DPP10: variants seen among roughly 807,000 people sequenced by gnomAD.
DPP10 encodes inactive dipeptidyl peptidase 10.
DPP10 carries 33 observed loss-of-function variants against 120.9 expected under a neutral mutation model. The observed-to-expected ratio is 0.27, with a 90% CI of 0.21 to 0.37. The LOEUF (loss-of-function observed/expected upper bound fraction) is 0.37, where lower values mean the gene tolerates loss of function less well. Among genes scored for constraint, DPP10 ranks in the 10% least tolerant of loss-of-function variants. The pLI, the probability that DPP10 is intolerant of heterozygous loss-of-function variation, is 1.00. For missense variants in DPP10, 816 were observed against 942.8 expected, an observed-to-expected ratio of 0.87 and a Z score of 1.76; for synonymous variants, 337 against 326.1, an observed-to-expected ratio of 1.03 and a Z score of -0.36.
intron 1 of DPP10, among the ~76,000 whole-genome samples, chr2:115,244,239 T>TATATATATAGAGAGAGAG: frequency 1.1e-5 from 1 of 93,476 alleles, no homozygotes; most frequent in African/African-American, 3.8e-5. Flanking sequence ...TATATATATA[T>TATATATATAGAGAGAGAG]AGAGAGAGAG....
intron 1 of DPP10, among the ~76,000 whole-genome samples, chr2:114,691,522 T>C (rs950639749): frequency 6.6e-6 from 1 of 152,090 alleles, no homozygotes; most frequent in African/African-American, 2.4e-5. Context: ...TGGCCTGAAG[T>C]TTTCATTTTT....
intron 1 of DPP10, among the ~76,000 whole-genome samples, chr2:114,825,657 C>T (rs555280506): frequency 1.3e-5 from 2 of 152,074 alleles, no homozygotes; most frequent in Admixed American, 1.3e-4. Flanking sequence ...ATTTTATGTT[C>T]CCCCCCAACT....
chr2:114,853,349 T>G (rs79074283), intron 1 of DPP10, among the ~76,000 whole-genome samples: 4,912 of 152,226 alleles, frequency 0.032, 112 homozygotes, highest in Non-Finnish European at 0.052. Flanking sequence ...GCTCTGAGAC[T>G]TTCACTATGA....
intron 3 of DPP10, among the ~76,000 whole-genome samples, chr2:115,402,854 A>AAAATATATATATATATATATAT (rs1476901026): frequency 1.0e-5 from 1 of 97,668 alleles, no homozygotes; most frequent in African/African-American, 3.9e-5. Context: ...AAAAAAAAAA[A>AAAATATATATATATATATATAT]ATATATATAT....
At chr2:115,279,563 T>G (rs539469419) in intron 1 of DPP10, among the ~76,000 whole-genome samples, 5 of 152,084 alleles carry the variant, frequency 3.3e-5, no homozygotes, top group African/African-American at 1.2e-4. Context: ...TTGCGTTTGA[T>G]AGAATCTTGT....
chr2:115,768,926 G>A (rs1193211592), intron 13 of DPP10, among the ~76,000 whole-genome samples: 1 of 151,566 alleles, frequency 6.6e-6, no homozygotes, highest in Non-Finnish European at 1.5e-5. Flanking sequence ...TAGATTTCAT[G>A]TTGTAAAATA....
intron 1 of DPP10, among the ~76,000 whole-genome samples, chr2:114,959,549 G>A (rs1698459611): frequency 6.6e-6 from 1 of 152,050 alleles, no homozygotes; most frequent in African/African-American, 2.4e-5. Context: ...TGTATAAATT[G>A]TATTTGAACA....
chr2:115,840,659 A>G (rs1479890244), intron 24 of DPP10, 91 bp from the exon 25 acceptor site: 11 of 1,356,202 alleles, frequency 8.1e-6, no homozygotes, highest in South Asian at 1.2e-5. Flanking sequence ...TGTATGTAAA[A>G]TAAAACACTG....
At chr2:114,761,306 G>A (rs1208339307) in intron 1 of DPP10, among the ~76,000 whole-genome samples, 2 of 152,112 alleles carry the variant, frequency 1.3e-5, no homozygotes, top group South Asian at 2.1e-4. Flanking sequence ...TCCCTGTTGG[G>A]AGATAATTCT....
At chr2:114,538,529 T>C (rs1686697172) in intron 1 of DPP10, among the ~76,000 whole-genome samples, 1 of 152,182 alleles carries the variant, frequency 6.6e-6, no homozygotes, top group South Asian at 2.1e-4. Context: ...GAATCTCCTT[T>C]GTGCTTGCTA....
At chr2:114,834,787 G>GTCTACACACCTATGTATATATAAGCCATA (rs1687537492) in intron 1 of DPP10, among the ~76,000 whole-genome samples, 2 of 123,870 alleles carry the variant, frequency 1.6e-5, no homozygotes, top group Non-Finnish European at 3.4e-5. Context: ...TATAAGCCAT[G>GTCTACACACCTATGTATATATAAGCCATA]TCTACACACC....
chr2:114,555,205 T>G lies in DPP10; in HGVS notation c.60+112367T>G, dbSNP rs143615122. ...AGTGATGTGTTTCTGTGTGCAGCCC[T>G]GGACTGTGTGAAGTGGCTTCTCCTG... On this transcript the variant is annotated intron_variant, in intron 1 of 25. Coordinates refer to ENST00000410059, the MANE Select transcript of DPP10 (RefSeq NM_020868.6). Among the ~76,000 whole-genome samples, 313 of 152,296 alleles carry G rather than the reference T, an allele frequency of 2.1e-3. No homozygotes were observed. The Middle Eastern group carries it at 0.027, about 13-fold the overall frequency.
chr2:115,176,718 C>T lies in DPP10; in HGVS notation c.61-132521C>T, dbSNP rs781571172. ...GTACAAGTTAGAACTGTCATCCTCA[C>T]TTCAAAGATGAGGAAATTGAGGTTC... On this transcript the variant is annotated intron_variant, in intron 1 of 25. Transcript: ENST00000410059. Among the ~76,000 whole-genome samples the T allele has an allele frequency of 3.8e-4, 58 of 152,324 alleles. 1 individual carries two copies. Among genetic ancestry groups the T allele is most frequent in the Admixed American group, 1.1e-3 (17 of 15,298 alleles).
chr2:115,431,828 G>A (rs763716911), intron 3 of DPP10, among the ~76,000 whole-genome samples: 3 of 152,062 alleles, frequency 2.0e-5, no homozygotes, highest in Non-Finnish European at 4.4e-5. Context: ...GCAGGCACTT[G>A]CATCTGCCTA....
At chr2:115,428,076 G>A (rs561371769) in intron 3 of DPP10, among the ~76,000 whole-genome samples, 229 of 152,272 alleles carry the variant, frequency 1.5e-3, no homozygotes, top group African/African-American at 5.3e-3. Context: ...TAACACACAT[G>A]ACATTTGCTC....
At chr2:115,621,366 A>G (rs1206462570) in intron 5 of DPP10, among the ~76,000 whole-genome samples, 1 of 152,192 alleles carries the variant, frequency 6.6e-6, no homozygotes. Flanking sequence ...CTTTAAATGT[A>G]TGATGTTTTA....
chr2:115,064,433 C>T (rs537634413), intron 1 of DPP10: 13 of 206,456 alleles, frequency 6.3e-5, no homozygotes, highest in Admixed American at 5.2e-4. Context: ...ATCTCTTCCC[C>T]CAGAAGCTAT....
intron 1 of DPP10, among the ~76,000 whole-genome samples, chr2:115,020,475 T>C (rs1025464594): frequency 5.9e-5 from 9 of 152,090 alleles, no homozygotes; most frequent in Non-Finnish European, 1.2e-4. Flanking sequence ...ATTCTAAATA[T>C]ATATGCACCT....
chr2:114,576,864 G>A (rs764913767), intron 1 of DPP10, among the ~76,000 whole-genome samples: 10 of 149,166 alleles, frequency 6.7e-5, no homozygotes, highest in Non-Finnish European at 1.3e-4. Flanking sequence ...CCAATGAATT[G>A]GGAAGAGTGT....
Sources: gnomAD v4.1 joint callset for allele counts (sites outside exome capture counted in the v4.1 genomes callset) on GRCh38, gnomAD v4.1.1 for gene constraint, MANE v1.5 for transcripts, NCBI Gene and HGNC (gene_info 2026-07-23, HGNC 2026-07-21) for gene names.